The following ANK3 variants were observed in gnomAD, a reference collection of about 807,000 sequenced individuals.
The protein encoded by ANK3 is ankyrin 3.
A neutral mutation model predicts 370.9 loss-of-function variants in ANK3; 57 were observed. That is an observed-to-expected ratio of 0.15 (90% CI 0.12 to 0.19). The LOEUF is 0.19. Ranked by LOEUF, ANK3 falls within the 10% of genes least tolerant of loss-of-function variation. The pLI is 1.00. For synonymous variants in ANK3, 1,929 were observed against 1,946.3 expected (o/e 0.99, Z 0.23); for missense variants, 4,439 against 5,302.1 (o/e 0.84, Z 5.06).
At chr10:60,167,885 T>C (rs2095666380) in intron 21 of ANK3, among the ~76,000 whole-genome samples, 1 of 152,208 alleles carries the variant, frequency 6.6e-6, no homozygotes, top group South Asian at 2.1e-4. Context: ...TTTTCCAGCA[T>C]GTAATACTGC....
chr10:60,488,454 T>TA (rs1290541597), intron 2 of ANK3, among the ~76,000 whole-genome samples: 1 of 152,216 alleles, frequency 6.6e-6, no homozygotes, highest in African/African-American at 2.4e-5. Context: ...ATTTAAAGTG[T>TA]AAATTTCAAT....
chr10:60,147,299 C>T (rs12247405), intron 23 of ANK3, among the ~76,000 whole-genome samples: 9,208 of 152,178 alleles, frequency 0.061, 941 homozygotes, highest in African/African-American at 0.21. Flanking sequence ...CTGACAGTCC[C>T]GTGCTCAAGG....
chr10:60,692,618 G>A (rs2079372420), intron 1 of ANK3, among the ~76,000 whole-genome samples: 1 of 152,098 alleles, frequency 6.6e-6, no homozygotes, highest in Non-Finnish European at 1.5e-5. Context: ...CGTGGCCTCA[G>A]GGTATAACAA....
Position 60,583,511 on chromosome 10 carries a change from G to GTTTTTTTTTTTTTTTTTTT in ANK3, c.96+31674_96+31675insAAAAAAAAAAAAAAAAAAA, listed in dbSNP as rs750384975. The stretch of plus-strand genomic sequence containing the variant: ...CATATAGCTTACAGAGAGGTTTTTT[G>GTTTTTTTTTTTTTTTTTTT]TTTTTTGTTTTTTGTTTTTTTTTGA... On this transcript the variant is annotated intron_variant, in intron 2 of 43. Transcript: ENST00000373827. Among the ~76,000 whole-genome samples the GTTTTTTTTTTTTTTTTTTT allele has an allele frequency of 4.0e-5, 4 of 100,078 alleles. 2 individuals carry two copies. The highest frequency in any genetic ancestry group is 8.7e-5 in the Non-Finnish European group (4 of 45,924). 65.7% of individuals were successfully genotyped at this position (100,078 alleles called of 152,430 possible).
intron 2 of ANK3, chr10:60,573,072 A>G: frequency 1.1e-6 from 1 of 899,322 alleles, no homozygotes; most frequent in African/African-American, 1.8e-5. Flanking sequence ...CATGTGTTGA[A>G]TGCATCAGGG....
intron 42 of ANK3, among the ~76,000 whole-genome samples, chr10:60,047,630 A>G (rs1030287606): frequency 1.3e-5 from 2 of 152,222 alleles, no homozygotes; most frequent in Admixed American, 1.3e-4. Flanking sequence ...GAGTTAGCAG[A>G]AACATACATG....
At chr10:60,673,504 C>T (rs1242810940) in intron 1 of ANK3, among the ~76,000 whole-genome samples, 1 of 152,084 alleles carries the variant, frequency 6.6e-6, no homozygotes, top group Admixed American at 6.5e-5. Context: ...GTGCCTGCCA[C>T]CACACCTAGC....
chr10:60,445,418 A>G (rs1214376196), intron 2 of ANK3, among the ~76,000 whole-genome samples: 3 of 152,126 alleles, frequency 2.0e-5, no homozygotes, highest in Non-Finnish European at 4.4e-5. Flanking sequence ...CAAGCAAACA[A>G]ACAAACAAAA....
intron 2 of ANK3, among the ~76,000 whole-genome samples, chr10:60,482,870 T>A (rs2075260187): frequency 6.6e-6 from 1 of 152,114 alleles, no homozygotes; most frequent in African/African-American, 2.4e-5. Flanking sequence ...AAGATTCTAA[T>A]CCTTAATAAA....
chr10:60,224,370 G>C (rs1425553542), intron 8 of ANK3, among the ~76,000 whole-genome samples: 1 of 152,104 alleles, frequency 6.6e-6, no homozygotes, highest in African/African-American at 2.4e-5. Context: ...TTATTAGTGA[G>C]GAGGGGAACT....
At chr10:60,716,893 T>C (rs1176921827) in intron 1 of ANK3, among the ~76,000 whole-genome samples, 1 of 152,194 alleles carries the variant, frequency 6.6e-6, no homozygotes, top group Non-Finnish European at 1.5e-5. Context: ...GATTACACAA[T>C]TGTAACCAGA....
At chr10:60,572,179 C>A (rs555802124) in intron 2 of ANK3, among the ~76,000 whole-genome samples, 7 of 152,206 alleles carry the variant, frequency 4.6e-5, no homozygotes, top group African/African-American at 1.7e-4. Flanking sequence ...ATAATTAGGA[C>A]GTGTTTACTT....
chr10:60,295,929 TG>T (rs2042401662), intron 1 of ANK3, among the ~76,000 whole-genome samples: 1 of 152,214 alleles, frequency 6.6e-6, no homozygotes, highest in South Asian at 2.1e-4. Context: ...CGTATTGTTT[TG>T]GTTGAAGTAG....
At chr10:60,349,288 G>A (rs982463400) in intron 1 of ANK3, among the ~76,000 whole-genome samples, 2 of 152,138 alleles carry the variant, frequency 1.3e-5, no homozygotes, top group Non-Finnish European at 2.9e-5. Context: ...AGATGTCTAC[G>A]TAGACAGCTT....
intron 2 of ANK3, among the ~76,000 whole-genome samples, chr10:60,445,267 G>A (rs192471163): frequency 2.0e-5 from 3 of 152,170 alleles, no homozygotes; most frequent in African/African-American, 7.2e-5. Flanking sequence ...GTGCACGCCT[G>A]TAGTCCCAGC....
intron 43 of ANK3, among the ~76,000 whole-genome samples, chr10:60,041,023 T>C (rs1049858618): frequency 6.6e-6 from 1 of 152,230 alleles, no homozygotes; most frequent in African/African-American, 2.4e-5. Context: ...TACTGCTACA[T>C]TGATGTCATC....
At chr10:60,360,895 C>T (rs2058503130) in intron 1 of ANK3, among the ~76,000 whole-genome samples, 1 of 151,918 alleles carries the variant, frequency 6.6e-6, no homozygotes, top group African/African-American at 2.4e-5. Flanking sequence ...ATGATCTACC[C>T]ATGAAAGAAA....
chr10:60,187,345 C>T (rs183998828), intron 16 of ANK3, among the ~76,000 whole-genome samples: 256 of 151,836 alleles, frequency 1.7e-3, no homozygotes, highest in African/African-American at 5.8e-3. Context: ...TTAGTAGAGA[C>T]GGGGTTTCAC....
At chr10:60,620,693 C>T (rs892123948) in intron 1 of ANK3, among the ~76,000 whole-genome samples, 4 of 152,110 alleles carry the variant, frequency 2.6e-5, no homozygotes, top group Admixed American at 1.3e-4. Context: ...CTTAAGAAAC[C>T]ATTAGTTGTG....
Sources: gnomAD v4.1 joint callset for allele counts (sites outside exome capture counted in the v4.1 genomes callset) on GRCh38, gnomAD v4.1.1 for gene constraint, MANE v1.5 for transcripts, NCBI Gene and HGNC (gene_info 2026-07-23, HGNC 2026-07-21) for gene names.